BMP6: variants seen among roughly 807,000 people sequenced by gnomAD.
The protein encoded by BMP6 is VG-1-R.
In BMP6, 17 loss-of-function variants were observed where a neutral mutation model predicts 54.1. The ratio of observed to expected loss-of-function variants is 0.31; its 90% CI spans 0.22 to 0.47. The LOEUF (loss-of-function observed/expected upper bound fraction) is 0.47, where lower values mean the gene tolerates loss of function less well. BMP6 is among the 20% of genes least tolerant of loss of function. The pLI is 1.00. For synonymous variants in BMP6, 328 were observed against 291.2 expected (o/e 1.13, Z -1.28); for missense variants, 720 against 690.4 (o/e 1.04, Z -0.48).
intron 1 of BMP6, among the ~76,000 whole-genome samples, chr6:7,813,108 A>AAAAAAAATATATAT (rs1554122651): frequency 4.7e-5 from 1 of 21,484 alleles, no homozygotes; most frequent in Non-Finnish European, 7.6e-5. Context: ...AAAAAAAAAA[A>AAAAAAAATATATAT]ATATATATAT....
chr6:7,768,748 A>C (rs80105521), intron 1 of BMP6, among the ~76,000 whole-genome samples: 1 of 152,180 alleles, frequency 6.6e-6, no homozygotes, highest in South Asian at 2.1e-4. Context: ...ACAGCTTTCT[A>C]AGAGTGCCGA....
At chr6:7,831,151 A>G (rs967198906) in intron 1 of BMP6, among the ~76,000 whole-genome samples, 1 of 152,248 alleles carries the variant, frequency 6.6e-6, no homozygotes, top group African/African-American at 2.4e-5. Context: ...GACACACGCT[A>G]CAACATGGAT....
intron 1 of BMP6, among the ~76,000 whole-genome samples, chr6:7,773,117 A>G (rs1757814572): frequency 6.6e-6 from 1 of 152,194 alleles, no homozygotes; most frequent in Admixed American, 6.5e-5. Context: ...AACGTAGCAG[A>G]TGCTCTGTTA....
rs1012120222 is a variant in BMP6, at chr6:7,880,854, C to A, written c.*511C>A. ...CCCAGAAGTCCACAGGACGCACAGCCCAGGCCACAGCCAGGGCTCCACGGG... is the reference window on the plus strand; with the variant it reads ...CCCAGAAGTCCACAGGACGCACAGCACAGGCCACAGCCAGGGCTCCACGGG... On this transcript the variant is annotated 3_prime_UTR_variant, in exon 7 of 7. Coordinates refer to ENST00000283147, the MANE Select transcript of BMP6 (RefSeq NM_001718.6). 1 of 158,734 alleles carries A rather than the reference C, an allele frequency of 6.3e-6. No homozygotes were observed. Among genetic ancestry groups the A allele is most frequent in the East Asian group, 1.8e-4 (1 of 5,592 alleles). The allele number at this position is 158,734 out of a possible 1,614,324, so 9.8% of individuals were successfully genotyped here. A position where few individuals can be genotyped will look rare whatever the true frequency, so the allele number is the denominator to read the frequency against.
Position 7,762,766 on chromosome 6 carries a change from AAT to A in BMP6, c.664+35150_664+35151del, listed in dbSNP as rs201898689. ...TTTTAAGTGTTTTTCCAGTGCCCATAATATGTCTTATCAACATATTGATTTTC... is the reference window on the plus strand; with the variant it reads ...TTTTAAGTGTTTTTCCAGTGCCCATAATGTCTTATCAACATATTGATTTTC... On this transcript the variant is annotated intron_variant, in intron 1 of 6. Transcript: ENST00000283147. 9.7e-3 allele frequency among the ~76,000 whole-genome samples: 1,479 copies of A among 152,322 alleles called. 13 individuals carry two copies. The highest frequency in any genetic ancestry group is 0.016 in the Non-Finnish European group (1,118 of 68,018).
At chr6:7,774,807 C>A (rs929588929) in intron 1 of BMP6, among the ~76,000 whole-genome samples, 3 of 152,180 alleles carry the variant, frequency 2.0e-5, no homozygotes, top group Non-Finnish European at 4.4e-5. Flanking sequence ...GTTGCTATAA[C>A]AATGCCACAG....
At chr6:7,803,387 C>G (rs1202649266) in intron 1 of BMP6, among the ~76,000 whole-genome samples, 1 of 152,140 alleles carries the variant, frequency 6.6e-6, no homozygotes, top group East Asian at 1.9e-4. Flanking sequence ...ACACCACTAC[C>G]ACATTAATGG....
chr6:7,879,302 G>T (rs866527155), intron 5 of BMP6, 152 bp downstream of exon 5: 1 of 794,742 alleles, frequency 1.3e-6, no homozygotes, highest in Non-Finnish European at 2.0e-6. Flanking sequence ...AAATGCTCAG[G>T]CTCCTGGAGT....
chr6:7,802,105 G>C (rs755885166), intron 1 of BMP6, among the ~76,000 whole-genome samples: 2 of 152,196 alleles, frequency 1.3e-5, no homozygotes, highest in Non-Finnish European at 2.9e-5. Flanking sequence ...ATGCTCAAGA[G>C]AAATGCAGCC....
At chr6:7,813,108 A>AAAAAAAATAT (rs1554122651) in intron 1 of BMP6, among the ~76,000 whole-genome samples, 2 of 21,496 alleles carry the variant, frequency 9.3e-5, no homozygotes, top group Non-Finnish European at 1.5e-4. Context: ...AAAAAAAAAA[A>AAAAAAAATAT]ATATATATAT....
At chr6:7,748,023 A>G (rs139644079) in intron 1 of BMP6, among the ~76,000 whole-genome samples, 61 of 152,334 alleles carry the variant, frequency 4.0e-4, no homozygotes, top group African/African-American at 1.3e-3. Flanking sequence ...AGGCAGCAAT[A>G]AGAAATGAAT....
At chr6:7,767,268 C>T (rs958577550) in intron 1 of BMP6, among the ~76,000 whole-genome samples, 3 of 152,138 alleles carry the variant, frequency 2.0e-5, no homozygotes, top group Non-Finnish European at 2.9e-5. Context: ...GTCACAGCGC[C>T]TGGCGGAATA....
At chr6:7,774,716 A>G (rs1043784156) in intron 1 of BMP6, among the ~76,000 whole-genome samples, 1 of 152,344 alleles carries the variant, frequency 6.6e-6, no homozygotes, top group East Asian at 1.9e-4. Context: ...CAAAAAAAAG[A>G]TCAACACAAT....
chr6:7,867,292 A>G (rs1183403691), intron 4 of BMP6, among the ~76,000 whole-genome samples: 4 of 152,144 alleles, frequency 2.6e-5, no homozygotes, highest in African/African-American at 9.7e-5. Flanking sequence ...CTTCTTCTTG[A>G]TAGTTTATAT....
rs182064220 is a variant in BMP6 at position 7,785,424 on chromosome 6, G to A, written c.664+57805G>A. 3.9e-3 allele frequency among the ~76,000 whole-genome samples: 595 copies of A among 152,276 alleles called. 5 individuals carry two copies. Among genetic ancestry groups the A allele is most frequent in the African/African-American group, 0.014 (567 of 41,528 alleles). Reference sequence around the variant, plus strand: ...TATTTGGTGTTAGAAACTCAGAATTGTCAGACACAGTAAGATTGGTTGTGT... The same window carrying A: ...TATTTGGTGTTAGAAACTCAGAATTATCAGACACAGTAAGATTGGTTGTGT... On this transcript the variant is annotated intron_variant, in intron 1 of 6. Transcript: ENST00000283147.
At chr6:7,854,005 A>G (rs1047930179) in intron 2 of BMP6, among the ~76,000 whole-genome samples, 2 of 152,166 alleles carry the variant, frequency 1.3e-5, no homozygotes, top group Non-Finnish European at 2.9e-5. Context: ...AATGTTATGG[A>G]GAGGAATTAA....
chr6:7,842,033 C>A (rs1333255267), intron 1 of BMP6, among the ~76,000 whole-genome samples: 2 of 152,182 alleles, frequency 1.3e-5, no homozygotes, highest in Non-Finnish European at 2.9e-5. Flanking sequence ...TTAAAAGTTA[C>A]ATGCAATTTA....
chr6:7,757,734 C>T (rs537834184), intron 1 of BMP6, among the ~76,000 whole-genome samples: 3 of 152,218 alleles, frequency 2.0e-5, no homozygotes, highest in Non-Finnish European at 4.4e-5. Context: ...GCTCTCCCTA[C>T]GTCTCTGCAC....
At position 7,779,515 on chromosome 6, in the gene BMP6, T is replaced by C. The variant is rs183642284; in HGVS notation, c.664+51896T>C. Among the ~76,000 whole-genome samples the C allele has an allele frequency of 3.4e-4, 51 of 152,166 alleles. 1 individual carries two copies. Among genetic ancestry groups the C allele is most frequent in the African/African-American group, 1.2e-3 (48 of 41,514 alleles). The stretch of plus-strand genomic sequence containing the variant: ...CACCACGCCCAGGCTAATTTTTATA[T>C]ATTTGGTAGAGACGGGGTTTCACCA... On this transcript the variant is annotated intron_variant, in intron 1 of 6. Transcript: ENST00000283147.
Sources: gnomAD v4.1 joint callset for allele counts (sites outside exome capture counted in the v4.1 genomes callset) on GRCh38, gnomAD v4.1.1 for gene constraint, MANE v1.5 for transcripts, NCBI Gene and HGNC (gene_info 2026-07-23, HGNC 2026-07-21) for gene names.